RASSF8: variants seen among roughly 807,000 people sequenced by gnomAD.
RASSF8 encodes Ras association domain family member 8, also known as ras association domain-containing protein 8.
A neutral mutation model predicts 48.5 loss-of-function variants in RASSF8; 22 were observed. The ratio of observed to expected loss-of-function variants is 0.45; its 90% confidence interval spans 0.32 to 0.65. The LOEUF is 0.65. Among genes scored for constraint, RASSF8 ranks in the 30% least tolerant of loss-of-function variants. The pLI is 0.03. For missense variants in RASSF8, 418 were observed against 489.2 expected (o/e 0.85, Z 1.37); for synonymous variants, 127 against 171.5 (o/e 0.74, Z 2.03).
chr12:26,050,114 T>G (rs537994115), intron 2 of RASSF8, among the ~76,000 whole-genome samples: 16 of 152,310 alleles, frequency 1.1e-4, no homozygotes, highest in African/African-American at 3.8e-4. Flanking sequence ...AGGATCAGTA[T>G]TCTCATACCA....
chr12:25,965,226 C>T (rs767195131), intron 1 of RASSF8, among the ~76,000 whole-genome samples: 3 of 152,196 alleles, frequency 2.0e-5, no homozygotes, highest in Non-Finnish European at 4.4e-5. Context: ...CAGGCATGAG[C>T]CACCGTGCCC....
intron 3 of RASSF8, among the ~76,000 whole-genome samples, chr12:26,063,679 T>C (rs2643943): frequency 0.69 from 105,165 of 151,760 alleles, 36,501 homozygotes; most frequent in East Asian, 0.8. Flanking sequence ...GGATTACAGG[T>C]GTGAGCCACT....
chr12:25,964,082 A>G (rs983264133), intron 1 of RASSF8, among the ~76,000 whole-genome samples: 1 of 152,198 alleles, frequency 6.6e-6, no homozygotes, highest in East Asian at 1.9e-4. Context: ...CCTGCAGGAC[A>G]TTCGCATCAC....
intron 2 of RASSF8, among the ~76,000 whole-genome samples, chr12:26,037,375 G>T (rs1314178666): frequency 1.3e-5 from 2 of 152,112 alleles, no homozygotes; most frequent in African/African-American, 4.8e-5. Flanking sequence ...TCTTTAAAAA[G>T]TAAACGCTAT....
chr12:26,034,436 T>C (rs1943090029), intron 2 of RASSF8, among the ~76,000 whole-genome samples: 1 of 151,746 alleles, frequency 6.6e-6, no homozygotes, highest in South Asian at 2.1e-4. Context: ...CATGATGTTT[T>C]AAGAAAGATT....
chr12:26,013,150 C>T (rs2669555), intron 2 of RASSF8, among the ~76,000 whole-genome samples: 137,311 of 152,202 alleles, frequency 0.9, 62,065 homozygotes, highest in East Asian at 0.99. Flanking sequence ...GGCAGTCCTG[C>T]CCAATAACAA....
At chr12:25,996,954 CTTAAGT>C (rs919953193) in intron 2 of RASSF8, among the ~76,000 whole-genome samples, 1 of 152,110 alleles carries the variant, frequency 6.6e-6, no homozygotes, top group African/African-American at 2.4e-5. Context: ...GTAAAACTAT[CTTAAGT>C]TTTTTTCATG....
chr12:25,978,180 T>C (rs1054210137), intron 1 of RASSF8, among the ~76,000 whole-genome samples: 7 of 152,214 alleles, frequency 4.6e-5, no homozygotes, highest in African/African-American at 1.7e-4. Flanking sequence ...CAGTACATTC[T>C]AGCTGAGTAT....
At chr12:25,958,374 C>A (rs1211290821), upstream of RASSF8, 1 of 151,560 alleles carries the variant, frequency 6.6e-6, no homozygotes, top group Non-Finnish European at 1.5e-5. Context: ...AGCGGGGGGG[C>A]GTCGCGGGCC....
intron 1 of RASSF8, among the ~76,000 whole-genome samples, chr12:25,968,499 C>T (rs1439451821): frequency 6.6e-6 from 1 of 152,134 alleles, no homozygotes; most frequent in Non-Finnish European, 1.5e-5. Context: ...TGTACCACCA[C>T]ACCCAGCTAA....
intron 1 of RASSF8, among the ~76,000 whole-genome samples, chr12:25,966,198 G>C (rs1380605247): frequency 6.6e-6 from 1 of 152,056 alleles, no homozygotes. Context: ...TCAACACTTG[G>C]CATAGTTGGT....
intron 3 of RASSF8, among the ~76,000 whole-genome samples, chr12:26,056,774 T>C (rs909709388): frequency 2.6e-5 from 4 of 152,240 alleles, no homozygotes; most frequent in Non-Finnish European, 4.4e-5. Context: ...TGAAACTCTT[T>C]TTGCATTTGA....
chr12:26,065,956 C>G (rs1943864498), intron 4 of RASSF8, among the ~76,000 whole-genome samples: 1 of 152,126 alleles, frequency 6.6e-6, no homozygotes, highest in African/African-American at 2.4e-5. Flanking sequence ...ACTTACATTT[C>G]TTGGATACCC....
intron 2 of RASSF8, among the ~76,000 whole-genome samples, chr12:26,025,075 T>C (rs11494759): frequency 0.72 from 109,118 of 152,158 alleles, 39,206 homozygotes; most frequent in South Asian, 0.79. Flanking sequence ...ATAAAAAACA[T>C]TCAACAAACT....
At chr12:26,019,581 G>C (rs1472937372) in intron 2 of RASSF8, among the ~76,000 whole-genome samples, 1 of 150,684 alleles carries the variant, frequency 6.6e-6, no homozygotes, top group East Asian at 1.9e-4. Flanking sequence ...GTGTGTGTGT[G>C]TGTGTGTGTG....
chr12:25,986,859 ACT>A (rs1224943100), intron 1 of RASSF8, among the ~76,000 whole-genome samples: 5 of 151,210 alleles, frequency 3.3e-5, no homozygotes, highest in Admixed American at 3.3e-4. Context: ...ATTCGTACAC[ACT>A]GTCACTTGTG....
At chr12:26,008,534 T>C (rs1289393988) in intron 2 of RASSF8, among the ~76,000 whole-genome samples, 1 of 152,228 alleles carries the variant, frequency 6.6e-6, no homozygotes, top group Non-Finnish European at 1.5e-5. Context: ...GCTGATATTG[T>C]CATTTGTATT....
chr12:26,054,942 A>G (rs1215059644), intron 2 of RASSF8, among the ~76,000 whole-genome samples: 4 of 152,206 alleles, frequency 2.6e-5, no homozygotes, highest in East Asian at 3.9e-4. Flanking sequence ...GAAAAAAAAC[A>G]GGACAGAAAA....
At chr12:25,971,446 C>G (rs551324858) in intron 1 of RASSF8, among the ~76,000 whole-genome samples, 3 of 152,260 alleles carry the variant, frequency 2.0e-5, no homozygotes, top group African/African-American at 7.2e-5. Context: ...TGGCACTGAT[C>G]ATCCTGTTGC....
Sources: gnomAD v4.1 joint callset for allele counts (sites outside exome capture counted in the v4.1 genomes callset) on GRCh38, gnomAD v4.1.1 for gene constraint, MANE v1.5 for transcripts, NCBI Gene and HGNC (gene_info 2026-07-23, HGNC 2026-07-21) for gene names.